LRRC3B: variants seen among roughly 807,000 people sequenced by gnomAD.
LRRC3B encodes the protein leucine-rich repeat-containing protein 3B.
Under a neutral mutation model 12.8 loss-of-function variants are expected in LRRC3B, and 2 were observed. The observed-to-expected ratio is 0.16, with a 90% CI of 0.06 to 0.49. LRRC3B has a LOEUF of 0.49. Ranked by LOEUF, LRRC3B falls within the 20% of genes least tolerant of loss-of-function variation. The pLI is 0.96. For synonymous variants in LRRC3B, 132 were observed against 122.0 expected (o/e 1.08, Z -0.54); for missense variants, 189 against 319.4 (o/e 0.59, Z 3.11).
At chr3:26,692,668 A>G (rs1369657007) in intron 1 of LRRC3B, among the ~76,000 whole-genome samples, 5 of 152,258 alleles carry the variant, frequency 3.3e-5, no homozygotes, top group African/African-American at 4.8e-5. Flanking sequence ...GTGTGAAACA[A>G]ATATTAATCA....
intron 1 of LRRC3B, among the ~76,000 whole-genome samples, chr3:26,628,493 A>G (rs1017809406): frequency 1.3e-5 from 2 of 150,728 alleles, no homozygotes; most frequent in African/African-American, 4.8e-5. Flanking sequence ...TTAAAAAAAT[A>G]TAAAATATCT....
chr3:26,633,712 G>A (rs1698807990), intron 1 of LRRC3B, among the ~76,000 whole-genome samples: 1 of 152,146 alleles, frequency 6.6e-6, no homozygotes, highest in African/African-American at 2.4e-5. Flanking sequence ...CACAGACACA[G>A]GAAAAGGGAA....
At chr3:26,645,884 G>A (rs1045747876) in intron 1 of LRRC3B, among the ~76,000 whole-genome samples, 4 of 152,156 alleles carry the variant, frequency 2.6e-5, no homozygotes, top group African/African-American at 9.7e-5. Context: ...CTCTGCTATT[G>A]ATTCTTAATT....
chr3:26,687,021 A>C (rs1700102290), intron 1 of LRRC3B, among the ~76,000 whole-genome samples: 1 of 151,696 alleles, frequency 6.6e-6, no homozygotes, highest in Non-Finnish European at 1.5e-5. Flanking sequence ...TGCTGCCAAC[A>C]CTCCCAGAAG....
intron 1 of LRRC3B, among the ~76,000 whole-genome samples, chr3:26,632,596 A>G (rs1477676171): frequency 6.6e-6 from 1 of 152,108 alleles, no homozygotes; most frequent in Non-Finnish European, 1.5e-5. Context: ...GGGGTGATTC[A>G]GAAAGGATTT....
At chr3:26,675,445 G>T (rs1699837681) in intron 1 of LRRC3B, among the ~76,000 whole-genome samples, 1 of 152,186 alleles carries the variant, frequency 6.6e-6, no homozygotes, top group Non-Finnish European at 1.5e-5. Flanking sequence ...CAGAGAGTGA[G>T]AATGTAGGAA....
chr3:26,700,917 T>C (rs954466645), intron 1 of LRRC3B, among the ~76,000 whole-genome samples: 29 of 152,132 alleles, frequency 1.9e-4, no homozygotes, highest in African/African-American at 6.0e-4. Flanking sequence ...TTTGTGAGAA[T>C]TGTGGTGAGG....
At chr3:26,677,990 AT>A (rs1020485437) in intron 1 of LRRC3B, among the ~76,000 whole-genome samples, 4 of 151,376 alleles carry the variant, frequency 2.6e-5, no homozygotes, top group African/African-American at 9.7e-5. Context: ...CTTCTTTTTT[AT>A]TTTTTTGTAG....
At chr3:26,636,210 G>C (rs1418117104) in intron 1 of LRRC3B, among the ~76,000 whole-genome samples, 5 of 152,008 alleles carry the variant, frequency 3.3e-5, no homozygotes, top group African/African-American at 1.2e-4. Flanking sequence ...TAATTAACTT[G>C]AGTTTAGTAA....
At chr3:26,645,767 G>A (rs1418677831) in intron 1 of LRRC3B, among the ~76,000 whole-genome samples, 2 of 151,440 alleles carry the variant, frequency 1.3e-5, no homozygotes, top group Non-Finnish European at 3.0e-5. Context: ...ATCTTGTAAT[G>A]GAAAAAAAAT....
At chr3:26,643,226 A>G (rs1313635123) in intron 1 of LRRC3B, among the ~76,000 whole-genome samples, 2 of 150,836 alleles carry the variant, frequency 1.3e-5, no homozygotes, top group Admixed American at 1.3e-4. Flanking sequence ...CAGAATGGTG[A>G]TGTGGTTTTG....
chr3:26,709,887 A>T, exon 2 of LRRC3B: 1 of 1,613,886 alleles, frequency 6.2e-7, no homozygotes, highest in Non-Finnish European at 8.5e-7. Flanking sequence ...CTGTATCTGG[A>T]CTCCAATCAG....
chr3:26,701,772 T>C (rs1051615344), intron 1 of LRRC3B, among the ~76,000 whole-genome samples: 11 of 152,094 alleles, frequency 7.2e-5, no homozygotes, highest in African/African-American at 2.7e-4. Flanking sequence ...ACATGATAGG[T>C]ACCTCTTGAC....
chr3:26,704,008 A>G (rs1343967419), intron 1 of LRRC3B, among the ~76,000 whole-genome samples: 1 of 152,154 alleles, frequency 6.6e-6, no homozygotes, highest in Non-Finnish European at 1.5e-5. Flanking sequence ...ACTGTACAAA[A>G]GAATATAAAA....
In LRRC3B at chr3:26,623,214, A is replaced by AC. The variant is rs1159768102; in HGVS notation, c.-180dup. On this transcript the variant is annotated 5_prime_UTR_variant, in exon 1 of 2. It introduces an in-frame stop codon into an upstream open reading frame of the 5' UTR. Coordinates refer to ENST00000396641, the Ensembl canonical transcript of LRRC3B. ...CCTGAGCCACGAGGATGGAGCAGCC[A>AC]CCCCGGCCCGGGACTGGCGCAAGGT... is the stretch of plus-strand genomic sequence containing the variant. The AC allele has an allele frequency of 6.6e-6, 1 of 152,388 alleles. No individual in the cohort carries two copies. Among genetic ancestry groups the AC allele is most frequent in the African/African-American group, 2.4e-5 (1 of 41,400 alleles). The allele number at this position is 152,388 out of a possible 1,614,324, so 9.4% of individuals were successfully genotyped here.
chr3:26,696,043 T>G (rs1700308225), intron 1 of LRRC3B, among the ~76,000 whole-genome samples: 1 of 152,226 alleles, frequency 6.6e-6, no homozygotes, highest in African/African-American at 2.4e-5. Context: ...AATGGAATAA[T>G]TTTATTTCAC....
intron 1 of LRRC3B, among the ~76,000 whole-genome samples, chr3:26,691,133 A>ATATATATATATATG (rs1559368596): frequency 7.0e-6 from 1 of 143,244 alleles, no homozygotes; most frequent in East Asian, 2.0e-4. Context: ...ATATATATAT[A>ATATATATATATATG]TGAGACAGGA....
intron 1 of LRRC3B, among the ~76,000 whole-genome samples, chr3:26,654,751 A>C (rs1326120569): frequency 6.6e-6 from 1 of 152,210 alleles, no homozygotes; most frequent in Non-Finnish European, 1.5e-5. Flanking sequence ...AGGCTGATGC[A>C]ATCTTATATG....
chr3:26,647,224 C>A (rs1699171574), intron 1 of LRRC3B, among the ~76,000 whole-genome samples: 1 of 152,114 alleles, frequency 6.6e-6, no homozygotes, highest in South Asian at 2.1e-4. Context: ...CCTCTGTCAC[C>A]CTCCAACACA....
Sources: gnomAD v4.1 joint callset for allele counts (sites outside exome capture counted in the v4.1 genomes callset) on GRCh38, gnomAD v4.1.1 for gene constraint, MANE v1.5 for transcripts, NCBI Gene and HGNC (gene_info 2026-07-23, HGNC 2026-07-21) for gene names.